Variants in SRPK2 observed in about 807,000 individuals in gnomAD.
SRPK2 encodes the protein SRSF protein kinase 2.
In SRPK2, 21 loss-of-function variants were observed where a neutral mutation model predicts 90.8. The ratio of observed to expected loss-of-function variants is 0.23; its 90% CI spans 0.16 to 0.33. The LOEUF is 0.33. Among genes scored for constraint, SRPK2 ranks in the 10% least tolerant of loss-of-function variants. The pLI, the probability that SRPK2 is intolerant of heterozygous loss-of-function variation, is 1.00. For synonymous variants in SRPK2, 288 were observed against 311.1 expected (o/e 0.93, Z 0.78); for missense variants, 620 against 869.0 (o/e 0.71, Z 3.60).
chr7:105,313,624 A>G (rs560632958), intron 2 of SRPK2, among the ~76,000 whole-genome samples: 1 of 151,914 alleles, frequency 6.6e-6, no homozygotes, highest in African/African-American at 2.4e-5. Flanking sequence ...GGCGTCGTGG[A>G]CCTGTAATCC....
rs1049464517 is a variant in SRPK2, at chr7:105,198,951, G to A, written c.229+4677C>T. On this transcript the variant is annotated intron_variant, in intron 3 of 15. Coordinates refer to ENST00000393651, the MANE Select transcript of SRPK2 (RefSeq NM_182692.3). ...CTCTTGGAGATCTAAGATAACGCGA[G>A]TAGGAACATGGCTGTCAGGAAATGA... Among the ~76,000 whole-genome samples, 22 of 152,164 alleles carry A rather than the reference G, an allele frequency of 1.4e-4. 1 individual carries two copies. The highest frequency in any genetic ancestry group is 1.0e-4 in the Non-Finnish European group (7 of 68,042).
upstream of SRPK2, among the ~76,000 whole-genome samples, chr7:105,390,601 G>GTTTTTGTTT (rs1335840137): frequency 9.8e-6 from 1 of 102,140 alleles, no homozygotes; most frequent in Non-Finnish European, 1.9e-5. Flanking sequence ...GTTAATTTTT[G>GTTTTTGTTT]TTTTTGTTTT....
intron 7 of SRPK2, among the ~76,000 whole-genome samples, chr7:105,150,991 T>C (rs1398209192): frequency 6.6e-6 from 1 of 152,114 alleles, no homozygotes. Flanking sequence ...CAGTTAAGAG[T>C]TAATGTGCCT....
intron 2 of SRPK2, among the ~76,000 whole-genome samples, chr7:105,243,381 G>A (rs1262733768): frequency 6.6e-6 from 1 of 152,112 alleles, no homozygotes; most frequent in Non-Finnish European, 1.5e-5. Context: ...GATCAAAGGT[G>A]GCAAGATTAC....
chr7:105,182,536 C>T (rs1286410132), intron 3 of SRPK2, among the ~76,000 whole-genome samples: 3 of 151,270 alleles, frequency 2.0e-5, no homozygotes, highest in Admixed American at 2.0e-4. Context: ...ACTGCAACCT[C>T]CACCTCCTGG....
intron 7 of SRPK2, among the ~76,000 whole-genome samples, chr7:105,154,483 C>T (rs1014577541): frequency 2.6e-5 from 4 of 152,112 alleles, no homozygotes; most frequent in African/African-American, 7.2e-5. Flanking sequence ...GAAAGAATTA[C>T]AATGGTAAAT....
At chr7:105,205,147 C>T (rs2129610631) in intron 2 of SRPK2, among the ~76,000 whole-genome samples, 1 of 152,242 alleles carries the variant, frequency 6.6e-6, no homozygotes, top group South Asian at 2.1e-4. Flanking sequence ...ATCTGAGAGC[C>T]TCCAACACCA....
At chr7:105,317,977 C>G (rs915307114) in intron 2 of SRPK2, among the ~76,000 whole-genome samples, 4 of 152,118 alleles carry the variant, frequency 2.6e-5, no homozygotes, top group Non-Finnish European at 5.9e-5. Flanking sequence ...TCTCGAACTC[C>G]TAAACTCAAG....
intron 2 of SRPK2, among the ~76,000 whole-genome samples, chr7:105,273,388 G>GTC (rs138575478): frequency 0.011 from 1,625 of 151,168 alleles, 22 homozygotes; most frequent in African/African-American, 0.037. Context: ...CCGTTCAGTC[G>GTC]TCTCCCTTGT....
chr7:105,362,801 G>A (rs1236697738), intron 2 of SRPK2, among the ~76,000 whole-genome samples: 2 of 152,174 alleles, frequency 1.3e-5, no homozygotes, highest in African/African-American at 2.4e-5. Flanking sequence ...CAACCCAAAT[G>A]TCCATCAGTG....
chr7:105,391,179 A>G (rs957803243), upstream of SRPK2, among the ~76,000 whole-genome samples: 3 of 137,278 alleles, frequency 2.2e-5, no homozygotes, highest in Admixed American at 2.2e-4. Flanking sequence ...TAGGATGACT[A>G]TAAAATTTAT....
At chr7:105,263,786 A>G (rs1394438582) in intron 2 of SRPK2, among the ~76,000 whole-genome samples, 1 of 152,184 alleles carries the variant, frequency 6.6e-6, no homozygotes, top group Non-Finnish European at 1.5e-5. Context: ...AAAAATTTCA[A>G]TAAACTGTAT....
chr7:105,239,116 G>A (rs1169430128), intron 2 of SRPK2, among the ~76,000 whole-genome samples: 2 of 152,146 alleles, frequency 1.3e-5, no homozygotes, highest in African/African-American at 4.8e-5. Context: ...CTACATATCT[G>A]AATAGTCCAG....
At chr7:105,152,260 C>T (rs1380975939) in intron 7 of SRPK2, among the ~76,000 whole-genome samples, 1 of 152,004 alleles carries the variant, frequency 6.6e-6, no homozygotes, top group African/African-American at 2.4e-5. Flanking sequence ...AGCAATTCTC[C>T]TGCCTCAGCC....
At chr7:105,388,405 G>C (rs6978496) in intron 2 of SRPK2, among the ~76,000 whole-genome samples, 63,452 of 148,154 alleles carry the variant, frequency 0.43, 15,332 homozygotes, top group Non-Finnish European at 0.54. Flanking sequence ...GTGGCGACCC[G>C]GGGCGGGAGG....
At chr7:105,169,119 T>C in intron 4 of SRPK2, 38 bp downstream of exon 4, 1 of 1,562,566 alleles carries the variant, frequency 6.4e-7, no homozygotes, top group Admixed American at 1.7e-5. Flanking sequence ...GTTGAACTAC[T>C]CCAGGAAACA....
chr7:105,326,028 G>A (rs747584933), intron 2 of SRPK2, among the ~76,000 whole-genome samples: 21 of 152,202 alleles, frequency 1.4e-4, no homozygotes, highest in Non-Finnish European at 2.4e-4. Context: ...TACCGCACAC[G>A]GGGACACGGG....
intron 3 of SRPK2, among the ~76,000 whole-genome samples, chr7:105,179,088 A>G (rs1792390980): frequency 1.3e-5 from 2 of 152,226 alleles, no homozygotes; most frequent in Non-Finnish European, 1.5e-5. Flanking sequence ...CACAGATTAA[A>G]GGTCAGTCCG....
intron 1 of SRPK2, among the ~76,000 whole-genome samples, chr7:105,396,800 GAGAAAGAA>G (rs200265544): frequency 2.9e-4 from 35 of 120,254 alleles, no homozygotes; most frequent in African/African-American, 6.7e-4. Context: ...GAAAGAGAAA[GAGAAAGAA>G]AGAAAGAGAG....
Sources: allele counts gnomAD v4.1 joint callset (sites outside exome capture counted in the v4.1 genomes callset), GRCh38; gene constraint gnomAD v4.1.1; transcripts MANE v1.5; gene names NCBI Gene and HGNC (gene_info 2026-07-23, HGNC 2026-07-21).